The following RBFOX1 variants were observed in gnomAD, a reference collection of about 807,000 sequenced individuals.
RBFOX1 encodes RNA binding fox-1 homolog 1.
RBFOX1 carries 8 observed loss-of-function variants against 57.7 expected under a neutral mutation model. The observed-to-expected ratio is 0.14, with a 90% CI of 0.08 to 0.25. RBFOX1 has a LOEUF of 0.25. RBFOX1 is among the 10% of genes least tolerant of loss of function. The probability of loss-of-function intolerance (pLI) is 1.00; values close to 1 mark genes in which losing one functional copy is unlikely to be tolerated. For synonymous variants in RBFOX1, 326 were observed against 222.4 expected (o/e 1.47, Z -4.15); for missense variants, 611 against 548.5 (o/e 1.11, Z -1.14).
rs1181614275 is a variant in RBFOX1, at chr16:6,819,705, C to CAAAAAAAAAAA, written c.-16+165071_-16+165081dup. 7.3e-4 allele frequency among the ~76,000 whole-genome samples: 15 copies of CAAAAAAAAAAA among 20,628 alleles called. 3 individuals carry two copies. Among genetic ancestry groups the CAAAAAAAAAAA allele is most frequent in the African/African-American group, 2.1e-3 (10 of 4,670 alleles). The allele number at this position is 20,628 out of a possible 152,430, so 13.5% of individuals were successfully genotyped here. On this transcript the variant is annotated intron_variant, in intron 3 of 15. Coordinates refer to ENST00000550418, the MANE Select transcript of RBFOX1 (RefSeq NM_018723.4). ...GGGCAACAAGAGTGAAACTCTGACT[C>CAAAAAAAAAAA]AAAAAAAAAAAAAAAAAAAAAAAAA... is the stretch of plus-strand genomic sequence containing the variant.
chr16:6,743,360 G>C (rs1045633915), intron 3 of RBFOX1, among the ~76,000 whole-genome samples: 1 of 152,140 alleles, frequency 6.6e-6, no homozygotes, highest in Non-Finnish European at 1.5e-5. Flanking sequence ...AATATACTCA[G>C]TTCAAAGGCA....
At chr16:7,259,696 G>A (rs544114498) in intron 4 of RBFOX1, among the ~76,000 whole-genome samples, 1 of 152,166 alleles carries the variant, frequency 6.6e-6, no homozygotes, top group African/African-American at 2.4e-5. Context: ...GTTTTCTGAT[G>A]TTTATACATC....
At chr16:6,362,223 G>A (rs976361549) in intron 2 of RBFOX1, among the ~76,000 whole-genome samples, 3 of 149,982 alleles carry the variant, frequency 2.0e-5, no homozygotes, top group Non-Finnish European at 2.9e-5. Flanking sequence ...TGATGTAATC[G>A]ATGCATATCA....
intron 3 of RBFOX1, among the ~76,000 whole-genome samples, chr16:5,753,826 A>G (rs1378720920): frequency 1.3e-5 from 2 of 151,976 alleles, no homozygotes; most frequent in African/African-American, 4.8e-5. Flanking sequence ...AAATAAGTAG[A>G]GAGCTGTGTT....
intron 1 of RBFOX1, among the ~76,000 whole-genome samples, chr16:5,281,244 C>A (rs1338831147): frequency 6.6e-6 from 1 of 152,060 alleles, no homozygotes; most frequent in Non-Finnish European, 1.5e-5. Context: ...TTCCAAATTT[C>A]TTCTTGTTAT....
intron 4 of RBFOX1, among the ~76,000 whole-genome samples, chr16:5,909,732 C>G (rs1597747019): frequency 6.6e-6 from 1 of 152,166 alleles, no homozygotes; most frequent in African/African-American, 2.4e-5. Flanking sequence ...AAGCCCAGCC[C>G]TGGTAAGATG....
intron 4 of RBFOX1, among the ~76,000 whole-genome samples, chr16:7,414,907 C>T (rs867985013): frequency 3.9e-5 from 6 of 152,212 alleles, no homozygotes; most frequent in Non-Finnish European, 5.9e-5. Context: ...TGGTGAGCCA[C>T]GGCGCCCAGC....
chr16:7,708,063 G>C (rs1026758716), intron 14 of RBFOX1, among the ~76,000 whole-genome samples: 1 of 152,168 alleles, frequency 6.6e-6, no homozygotes, highest in Admixed American at 6.5e-5. Flanking sequence ...GTATCAGGCT[G>C]AGTGCAGTGA....
At chr16:6,705,017 G>C (rs1401481127) in intron 3 of RBFOX1, 1 of 152,070 alleles carries the variant, frequency 6.6e-6, no homozygotes, top group Non-Finnish European at 1.5e-5. Context: ...CGGAACCTTG[G>C]AGTGACGTGT....
At chr16:7,571,357 C>T (rs780294297) in intron 5 of RBFOX1, among the ~76,000 whole-genome samples, 1 of 152,188 alleles carries the variant, frequency 6.6e-6, no homozygotes, top group Non-Finnish European at 1.5e-5. Flanking sequence ...GCATGTATCT[C>T]TACACGACTA....
At chr16:6,774,971 A>G (rs979369726) in intron 3 of RBFOX1, among the ~76,000 whole-genome samples, 5 of 152,054 alleles carry the variant, frequency 3.3e-5, no homozygotes, top group Admixed American at 2.0e-4. Flanking sequence ...CTCCTCTTTA[A>G]AAAGAATGAA....
intron 3 of RBFOX1, among the ~76,000 whole-genome samples, chr16:6,714,844 C>A (rs890785433): frequency 6.6e-6 from 1 of 151,994 alleles, no homozygotes; most frequent in African/African-American, 2.4e-5. Flanking sequence ...TAAGAGGCTG[C>A]GTTTGAGGTT....
intron 3 of RBFOX1, among the ~76,000 whole-genome samples, chr16:5,633,748 C>T (rs1363601720): frequency 6.6e-6 from 1 of 151,910 alleles, no homozygotes; most frequent in Non-Finnish European, 1.5e-5. Context: ...GTGGTGCATG[C>T]CTGTAATCGC....
intron 1 of RBFOX1, among the ~76,000 whole-genome samples, chr16:6,022,767 A>G (rs191301649): frequency 2.0e-5 from 3 of 152,334 alleles, no homozygotes; most frequent in Non-Finnish European, 2.9e-5. Context: ...AATTGTATAA[A>G]CATATAAACA....
chr16:7,349,535 T>TG (rs2097088762), intron 4 of RBFOX1, among the ~76,000 whole-genome samples: 2 of 151,820 alleles, frequency 1.3e-5, no homozygotes, highest in South Asian at 2.1e-4. Context: ...AAGACTTTTT[T>TG]TTTTCCAATC....
At chr16:6,220,509 T>C (rs2097365569) in intron 1 of RBFOX1, among the ~76,000 whole-genome samples, 1 of 152,198 alleles carries the variant, frequency 6.6e-6, no homozygotes. Flanking sequence ...TTATAAGTCT[T>C]TGATAATTTG....
Position 5,872,562 on chromosome 16 carries a change from G to A in RBFOX1, c.351+5227G>A, listed in dbSNP as rs559003993. ...CCTGGGCAACAGATGAGGAAGAACC[G>A]AATCTCTACAGAAAGAAAAAAAAAA... is the stretch of plus-strand genomic sequence containing the variant. On this transcript the variant is annotated intron_variant, in intron 4 of 19. Transcript: ENST00000641259. Among the ~76,000 whole-genome samples the A allele has an allele frequency of 6.6e-4, 100 of 151,758 alleles. 1 individual carries two copies. The highest frequency in any genetic ancestry group is 6.9e-3 in the Middle Eastern group (2 of 290).
intron 1 of RBFOX1, among the ~76,000 whole-genome samples, chr16:5,273,567 A>G (rs1442483037): frequency 7.9e-5 from 12 of 152,186 alleles, no homozygotes; most frequent in African/African-American, 2.7e-4. Flanking sequence ...AAGGTTTGGA[A>G]CGACGGGAAG....
intron 4 of RBFOX1, among the ~76,000 whole-genome samples, chr16:7,236,269 C>A (rs139221881): frequency 6.6e-6 from 1 of 152,288 alleles, no homozygotes; most frequent in East Asian, 1.9e-4. Context: ...GAGGTGCGAA[C>A]TAGGGTTAAT....
Sources: allele counts gnomAD v4.1 joint callset (sites outside exome capture counted in the v4.1 genomes callset), GRCh38; gene constraint gnomAD v4.1.1; transcripts MANE v1.5; gene names NCBI Gene and HGNC (gene_info 2026-07-23, HGNC 2026-07-21).